Variants in TFDP2 observed in about 807,000 individuals in gnomAD.
TFDP2 encodes transcription factor Dp-2.
A neutral mutation model predicts 59.3 loss-of-function variants in TFDP2; 17 were observed. The ratio of observed to expected loss-of-function variants is 0.29; its 90% CI spans 0.20 to 0.43. The LOEUF (loss-of-function observed/expected upper bound fraction) is 0.43. Ranked by LOEUF, TFDP2 falls within the 20% of genes least tolerant of loss-of-function variation. The pLI, the probability that TFDP2 is intolerant of heterozygous loss-of-function variation, is 1.00. For missense variants in TFDP2, 391 were observed against 528.8 expected (o/e 0.74, Z 2.56); for synonymous variants, 180 against 194.7 (o/e 0.92, Z 0.63).
chr3:141,970,217 C>T, intron 8 of TFDP2, 76 bp from the exon 9 acceptor site: 1 of 1,390,574 alleles, frequency 7.2e-7, no homozygotes, highest in Non-Finnish European at 1.0e-6. Flanking sequence ...GGTCCCTATT[C>T]TGAGATAACA....
At chr3:142,140,053 C>G (rs1305385775) in intron 1 of TFDP2, among the ~76,000 whole-genome samples, 2 of 152,158 alleles carry the variant, frequency 1.3e-5, no homozygotes, top group Non-Finnish European at 2.9e-5. Context: ...TTCCTGGAGG[C>G]TTTGTTCATT....
intron 3 of TFDP2, among the ~76,000 whole-genome samples, chr3:142,014,459 T>C (rs1161912845): frequency 6.6e-6 from 1 of 152,102 alleles, no homozygotes; most frequent in Non-Finnish European, 1.5e-5. Flanking sequence ...TAAGTTAAAA[T>C]GACCTAGACT....
chr3:142,044,001 T>C, intron 3 of TFDP2: 1 of 699,508 alleles, frequency 1.4e-6, no homozygotes. Flanking sequence ...GGCCAAGGTC[T>C]TTTTCCGGCA....
intron 3 of TFDP2, among the ~76,000 whole-genome samples, chr3:142,088,608 T>C (rs954886126): frequency 4.4e-5 from 6 of 137,798 alleles, no homozygotes; most frequent in Non-Finnish European, 3.0e-5. Context: ...GGTCTTTTTT[T>C]TTTTCTTTTT....
chr3:142,024,104 T>C (rs1225260720), intron 3 of TFDP2, among the ~76,000 whole-genome samples: 1 of 152,168 alleles, frequency 6.6e-6, no homozygotes, highest in Non-Finnish European at 1.5e-5. Context: ...CATTAAAAGA[T>C]TTTTGAGAAC....
intron 7 of TFDP2, among the ~76,000 whole-genome samples, chr3:141,975,468 G>A (rs1229794781): frequency 2.6e-5 from 4 of 152,032 alleles, no homozygotes; most frequent in African/African-American, 7.2e-5. Flanking sequence ...CAAGGTGGGC[G>A]GATCACCTGA....
At position 141,952,723 on chromosome 3, in the gene TFDP2, C is replaced by T. The variant is rs753931618; in HGVS notation, c.1158-27G>A. The T allele has an allele frequency of 1.2e-5, 20 of 1,606,346 alleles. 1 individual carries two copies. In the South Asian group the frequency reaches 1.8e-4, roughly 14 times the overall value. On this transcript the variant is annotated intron_variant, in intron 12 of 12. Transcript: ENST00000489671. ...TAGCAAACAATTAAAAACACACAGG[C>T]TCATTAATGTGGTATAAACAGTTTT...
intron 10 of TFDP2, among the ~76,000 whole-genome samples, chr3:141,963,333 T>A (rs546942807): frequency 6.6e-6 from 1 of 152,386 alleles, no homozygotes; most frequent in South Asian, 2.1e-4. Context: ...GGCATTTTCA[T>A]GTCTATTCAT....
chr3:141,962,398 G>A lies in TFDP2; in HGVS notation c.884+1414C>T, dbSNP rs567546318. On this transcript the variant is annotated intron_variant, in intron 10 of 12. Transcript: ENST00000489671. The stretch of plus-strand genomic sequence containing the variant: ...TTTCGAGACAGAGTCTTGCTCTGTC[G>A]TCCAGGCTGGAGTGTAGTGGCACAA... 4.6e-5 allele frequency among the ~76,000 whole-genome samples: 7 copies of A among 151,128 alleles called. No homozygotes were observed. In the South Asian group the frequency reaches 6.3e-4, roughly 14 times the overall value.
intron 3 of TFDP2, among the ~76,000 whole-genome samples, chr3:142,016,712 C>T (rs1945160331): frequency 6.6e-6 from 1 of 152,160 alleles, no homozygotes; most frequent in Non-Finnish European, 1.5e-5. Flanking sequence ...TAAAATATTG[C>T]TACTAGAAAA....
At chr3:142,031,471 A>G (rs1946430305) in intron 3 of TFDP2, among the ~76,000 whole-genome samples, 1 of 151,926 alleles carries the variant, frequency 6.6e-6, no homozygotes, top group African/African-American at 2.4e-5. Context: ...CACCCCTTCA[A>G]TCTGCTCTGA....
At chr3:141,987,265 TTGTGTGTGTG>T (rs56988461) in intron 6 of TFDP2, among the ~76,000 whole-genome samples, 11 of 132,814 alleles carry the variant, frequency 8.3e-5, no homozygotes, top group East Asian at 4.5e-4. Flanking sequence ...GCTGTCAGAT[TTGTGTGTGTG>T]TGTGTGTGTG....
intron 3 of TFDP2, chr3:142,043,683 C>A: frequency 9.5e-7 from 1 of 1,055,966 alleles, no homozygotes; most frequent in Non-Finnish European, 1.5e-6. Context: ...TCTTGGCCTG[C>A]AGGCGTTCTT....
intron 8 of TFDP2, 66 bp downstream of exon 8, chr3:141,973,982 T>C (rs1940228355): frequency 2.0e-6 from 3 of 1,497,898 alleles, no homozygotes; most frequent in Non-Finnish European, 9.0e-7. Context: ...ATTACATTTT[T>C]AAATTAAAAT....
chr3:142,077,635 G>T (rs2060505064), intron 3 of TFDP2, among the ~76,000 whole-genome samples: 1 of 152,092 alleles, frequency 6.6e-6, no homozygotes, highest in Non-Finnish European at 1.5e-5. Flanking sequence ...TTCCTCACCT[G>T]CTGACTAAAG....
At position 141,953,011 on chromosome 3, in the gene TFDP2, A is replaced by G. The variant is rs1294827760; in HGVS notation, c.1057T>C (p.Ser353Pro). The G allele has an allele frequency of 6.2e-7, 1 of 1,610,326 alleles. No homozygotes were observed. Among genetic ancestry groups the G allele is most frequent in the East Asian group, 2.2e-5 (1 of 44,856 alleles). The change falls in exon 12 of 13, where the codon TCC becomes CCC. Residue 353 changes from serine to proline, a missense_variant. Coordinates refer to ENST00000489671, the MANE Select transcript of TFDP2 (RefSeq NM_001178139.2). The part of the protein sequence containing the change: ...KALEGYITDI[S>P]TGPSWLNQGL... ...TGATTTAACCAAGAAGGTCCTGTGGAGATATCTAAAGGAAAAAATGAGAAC... is the reference window on the plus strand; with the variant it reads ...TGATTTAACCAAGAAGGTCCTGTGGGGATATCTAAAGGAAAAAATGAGAAC...
At chr3:141,991,137 G>C (rs940838926) in intron 6 of TFDP2, among the ~76,000 whole-genome samples, 2 of 152,124 alleles carry the variant, frequency 1.3e-5, no homozygotes, top group African/African-American at 4.8e-5. Flanking sequence ...TATTTCCTTT[G>C]AAGTTTCAAA....
chr3:142,040,546 G>A (rs1452416177), intron 3 of TFDP2, among the ~76,000 whole-genome samples: 1 of 152,030 alleles, frequency 6.6e-6, no homozygotes, highest in African/African-American at 2.4e-5. Flanking sequence ...TTCTGCCTCA[G>A]CTTCCCGAGT....
intron 3 of TFDP2, among the ~76,000 whole-genome samples, chr3:142,037,160 A>G (rs1946730633): frequency 6.6e-6 from 1 of 152,244 alleles, no homozygotes; most frequent in African/African-American, 2.4e-5. Context: ...AGCTGTCATC[A>G]AAACTGCAAA....
Sources: gnomAD v4.1 joint callset for allele counts (sites outside exome capture counted in the v4.1 genomes callset) on GRCh38, gnomAD v4.1.1 for gene constraint, MANE v1.5 for transcripts, NCBI Gene and HGNC (gene_info 2026-07-23, HGNC 2026-07-21) for gene names.